KALRN: variants seen among roughly 807,000 people sequenced by gnomAD.
KALRN encodes the protein kalirin RhoGEF kinase, also known as kalirin.
KALRN carries 70 observed loss-of-function variants against 353.7 expected under a neutral mutation model. That is an observed-to-expected ratio of 0.20 (90% CI 0.16 to 0.24). KALRN has a LOEUF of 0.24. KALRN is among the 10% of genes least tolerant of loss of function. The pLI is 1.00. For missense variants in KALRN, 2,791 were observed against 3,756.7 expected (o/e 0.74, Z 6.72); for synonymous variants, 1,391 against 1,434.8 (o/e 0.97, Z 0.69).
At chr3:124,661,677 C>T (rs1332084202) in intron 44 of KALRN, among the ~76,000 whole-genome samples, 174 bp from the exon 45 acceptor site, 1 of 152,200 alleles carries the variant, frequency 6.6e-6, no homozygotes, top group Admixed American at 6.5e-5. Context: ...CAACACCCTC[C>T]CTCTAGAACA....
intron 1 of KALRN, among the ~76,000 whole-genome samples, chr3:124,109,687 ATATATATCATACTT>A (rs2062664418): frequency 2.0e-5 from 3 of 148,050 alleles, no homozygotes; most frequent in Non-Finnish European, 4.5e-5. Flanking sequence ...TACATATCAT[ATATATATCATACTT>A]TGATATATAT....
At chr3:124,710,134 A>G (rs1432720793) in intron 57 of KALRN, among the ~76,000 whole-genome samples, 1 of 152,276 alleles carries the variant, frequency 6.6e-6, no homozygotes, top group African/African-American at 2.4e-5. Context: ...TGCAAGTCTG[A>G]AACAATTTAT....
At chr3:124,220,277 A>G (rs1029429347) in intron 1 of KALRN, among the ~76,000 whole-genome samples, 1 of 152,128 alleles carries the variant, frequency 6.6e-6, no homozygotes, top group South Asian at 2.1e-4. Flanking sequence ...TCTAAGGAAC[A>G]TATTTATAGT....
At chr3:124,641,552 C>G (rs1414052607) in intron 37 of KALRN, among the ~76,000 whole-genome samples, 1 of 152,208 alleles carries the variant, frequency 6.6e-6, no homozygotes, top group Non-Finnish European at 1.5e-5. Context: ...ATTACTTAGT[C>G]TACTTGGGGT....
At chr3:124,119,421 G>A (rs767141055) in intron 1 of KALRN, among the ~76,000 whole-genome samples, 14 of 152,204 alleles carry the variant, frequency 9.2e-5, no homozygotes, top group Non-Finnish European at 1.5e-4. Flanking sequence ...ATTATGCTGT[G>A]AATCATTAAG....
At chr3:124,114,190 G>A (rs776553815) in intron 1 of KALRN, among the ~76,000 whole-genome samples, 5 of 152,182 alleles carry the variant, frequency 3.3e-5, no homozygotes, top group South Asian at 2.1e-4. Context: ...GGCCATTATC[G>A]GCATTTGGAT....
chr3:124,616,667 G>T (rs1308950794), intron 34 of KALRN, among the ~76,000 whole-genome samples: 1 of 152,162 alleles, frequency 6.6e-6, no homozygotes, highest in Non-Finnish European at 1.5e-5. Flanking sequence ...GCAGCACTTA[G>T]AACTTCTTAA....
chr3:124,658,314 G>C, intron 41 of KALRN, 117 bp from the exon 42 acceptor site: 1 of 772,984 alleles, frequency 1.3e-6, no homozygotes, highest in Non-Finnish European at 2.3e-6. Context: ...AGCTGCCTTG[G>C]TGCGTCCCCA....
At chr3:124,679,163 A>C (rs925827461) in intron 50 of KALRN, among the ~76,000 whole-genome samples, 2 of 152,248 alleles carry the variant, frequency 1.3e-5, no homozygotes, top group Non-Finnish European at 2.9e-5. Context: ...TCATCTGGGA[A>C]GTCCAGCCTC....
At chr3:124,628,742 A>ATTTTTTTT (rs58523719) in intron 34 of KALRN, among the ~76,000 whole-genome samples, 5 of 100,094 alleles carry the variant, frequency 5.0e-5, no homozygotes, top group African/African-American at 2.3e-4. Context: ...CACCTGGCTA[A>ATTTTTTTT]TTTTTTTTTT....
At chr3:124,655,380 T>C (rs897029245) in intron 38 of KALRN, among the ~76,000 whole-genome samples, 7 of 152,242 alleles carry the variant, frequency 4.6e-5, no homozygotes, top group Admixed American at 1.3e-4. Flanking sequence ...GTGACTATTG[T>C]ATGTCACCTG....
chr3:124,248,956 A>C (rs1348832777), intron 3 of KALRN, among the ~76,000 whole-genome samples: 4 of 152,260 alleles, frequency 2.6e-5, no homozygotes, highest in African/African-American at 9.6e-5. Flanking sequence ...TCTCCAGACC[A>C]TAAGCTGTTT....
At chr3:124,348,803 T>C (rs1369640276) in intron 10 of KALRN, among the ~76,000 whole-genome samples, 2 of 152,242 alleles carry the variant, frequency 1.3e-5, no homozygotes, top group East Asian at 3.9e-4. Flanking sequence ...CTGCAACCTC[T>C]GCCTCCTGGG....
intron 14 of KALRN, among the ~76,000 whole-genome samples, chr3:124,422,544 A>G (rs539880916): frequency 6.6e-6 from 1 of 152,282 alleles, no homozygotes; most frequent in Non-Finnish European, 1.5e-5. Context: ...ATGGACCTCT[A>G]TATAACTGTA....
chr3:124,687,174 GGGGCATAATCA>G (rs1228678283), intron 51 of KALRN, among the ~76,000 whole-genome samples: 14 of 152,220 alleles, frequency 9.2e-5, no homozygotes, highest in Middle Eastern at 3.4e-3. Context: ...TTAGGGGATT[GGGGCATAATCA>G]GGGCATAATC....
chr3:124,552,373 A>G (rs2070654176), intron 33 of KALRN, among the ~76,000 whole-genome samples: 1 of 152,196 alleles, frequency 6.6e-6, no homozygotes. Context: ...TTACCTAACA[A>G]TAATTAGACC....
At position 124,446,142 on chromosome 3, in the gene KALRN, G is replaced by C; in HGVS notation, c.3314-19G>C. On this transcript the variant is annotated intron_variant, in intron 19 of 59. Coordinates refer to ENST00000682506, the MANE Select transcript of KALRN (RefSeq NM_001388419.1). ...GCTCAGAGCCCCTTGTGACCATCAT[G>C]CATCTCCTCTGCCCACAGCCATCCT... is the stretch of plus-strand genomic sequence containing the variant. The C allele has an allele frequency of 6.4e-7, 1 of 1,559,764 alleles. No homozygotes were observed. Among genetic ancestry groups the C allele is most frequent in the African/African-American group, 1.4e-5 (1 of 73,900 alleles).
At chr3:124,403,889 A>G (rs2091188892) in intron 13 of KALRN, among the ~76,000 whole-genome samples, 1 of 152,182 alleles carries the variant, frequency 6.6e-6, no homozygotes, top group African/African-American at 2.4e-5. Flanking sequence ...TAGTTTGCAG[A>G]GAACACTGGA....
intron 10 of KALRN, among the ~76,000 whole-genome samples, chr3:124,367,001 G>T (rs2084856201): frequency 7.1e-6 from 1 of 140,900 alleles, no homozygotes; most frequent in South Asian, 2.3e-4. Context: ...CGGCTGGCCG[G>T]GTTGGGGGGC....
Sources: allele counts gnomAD v4.1 joint callset (sites outside exome capture counted in the v4.1 genomes callset), GRCh38; gene constraint gnomAD v4.1.1; transcripts MANE v1.5; gene names NCBI Gene and HGNC (gene_info 2026-07-23, HGNC 2026-07-21).